The following ISM2 variants were observed in gnomAD, a reference collection of about 807,000 sequenced individuals.
The protein encoded by ISM2 is isthmin-2.
Under a neutral mutation model 58.0 loss-of-function variants are expected in ISM2, and 50 were observed. The observed-to-expected ratio is 0.86, with a 90% CI of 0.69 to 1.09. ISM2 has a LOEUF of 1.09. ISM2 is among the 50% of genes least tolerant of loss of function. The pLI, the probability that ISM2 is intolerant of heterozygous loss-of-function variation, is 0.00. For synonymous variants in ISM2, 303 were observed against 312.4 expected (o/e 0.97, Z 0.32); for missense variants, 723 against 745.0 (o/e 0.97, Z 0.34).
At position 77,484,494 on chromosome 14, in the gene ISM2, C is replaced by T. The variant is rs772814089; in HGVS notation, c.456G>A (p.Leu152=). The change falls in exon 3 of 7, where the codon CTG becomes CTA. Residue 152 remains leucine, a synonymous_variant. Coordinates refer to ENST00000342219, the MANE Select transcript of ISM2 (RefSeq NM_199296.3). ...ATCCATGTTGGTGTAGCTCTGCCTG[C>T]AGGTGGGTTCTGGGGAGCAGTCGTG... ...EEARLLPRTH[L]QAELHQHGCW... 6.2e-7 allele frequency: 1 copy of T among 1,606,918 alleles called. No homozygotes were observed. Among genetic ancestry groups the T allele is most frequent in the South Asian group, 1.1e-5 (1 of 89,930 alleles).
rs1362191226 is a variant in ISM2, at chr14:77,498,691, G to A, written c.103C>T (p.Arg35Cys). 4.0e-6 allele frequency: 6 copies of A among 1,482,174 alleles called. No individual in the cohort carries two copies. The highest frequency in any genetic ancestry group is 1.5e-5 in the African/African-American group (1 of 68,224). The allele number at this position is 1,482,174 out of a possible 1,614,324, so 91.8% of individuals were successfully genotyped here. A position where few individuals can be genotyped will look rare whatever the true frequency, so the allele number is the denominator to read the frequency against. The change falls in exon 1 of 7, where the codon CGC becomes TGC. Residue 35 changes from arginine to cysteine, a missense_variant. Coordinates refer to ENST00000342219, the MANE Select transcript of ISM2 (RefSeq NM_199296.3). ...GTGAGGCTCCCAGGCCGTGGTCCGC[G>A]GAGCCGCGGCTTCTTCACGGGGAGC... ...LGLPVKKPRL[R>C]GPRPGSLTRL...
At position 77,475,254 on chromosome 14, in the gene ISM2, G is replaced by C. The variant is rs2079089057; in HGVS notation, c.*341C>G. On this transcript the variant is annotated 3_prime_UTR_variant, in exon 7 of 7. Coordinates refer to ENST00000342219, the MANE Select transcript of ISM2 (RefSeq NM_199296.3). The surrounding 1 kb of genome is among the most constrained non-coding windows in gnomAD (Gnocchi z 4.1). ...CTGCTGGCTAACACTTATGTGCAGA[G>C]CCAGGGCAGAAGAGCCCAGCTCCCA... The C allele has an allele frequency of 5.2e-6, 1 of 192,882 alleles. No homozygotes were observed. 11.9% of individuals were successfully genotyped at this position (192,882 alleles called of 1,614,324 possible). A position where few individuals can be genotyped will look rare whatever the true frequency, so the allele number is the denominator to read the frequency against.
intron 1 of ISM2, among the ~76,000 whole-genome samples, chr14:77,493,834 C>T (rs1024839592): frequency 1.1e-4 from 16 of 151,930 alleles, no homozygotes; most frequent in Non-Finnish European, 1.5e-4. Flanking sequence ...TGCAGTGGCG[C>T]GATCTTGGCT....
intron 3 of ISM2, 143 bp downstream of exon 3, chr14:77,484,179 AG>A: frequency 9.5e-7 from 1 of 1,048,108 alleles, no homozygotes; most frequent in Non-Finnish European, 1.4e-6. Context: ...CACCACAGGG[AG>A]AGCATGGGGA....
chr14:77,482,293 C>T (rs371917213), intron 4 of ISM2, 29 bp downstream of exon 4: 6 of 1,559,644 alleles, frequency 3.8e-6, no homozygotes, highest in Non-Finnish European at 3.5e-6. Flanking sequence ...AGGGGAGCAG[C>T]CTGGGGATGC....
intron 1 of ISM2, among the ~76,000 whole-genome samples, chr14:77,495,216 C>T (rs577964783): frequency 4.5e-4 from 68 of 152,128 alleles, no homozygotes; most frequent in Non-Finnish European, 1.9e-4. Context: ...GGAAATCATC[C>T]GAGGTGAGTC....
intron 1 of ISM2, among the ~76,000 whole-genome samples, chr14:77,488,333 G>T (rs1170882330): frequency 6.6e-6 from 1 of 152,162 alleles, no homozygotes; most frequent in African/African-American, 2.4e-5. Context: ...GGTCTTAAAG[G>T]TTACAATAAG....
intron 1 of ISM2, among the ~76,000 whole-genome samples, chr14:77,495,934 C>T (rs529783753): frequency 1.5e-4 from 23 of 152,130 alleles, no homozygotes; most frequent in African/African-American, 5.1e-4. Flanking sequence ...ATGGGGAGGT[C>T]GGGCGTGGTG....
At chr14:77,487,999 G>T (rs2079178589) in intron 1 of ISM2, among the ~76,000 whole-genome samples, 1 of 152,194 alleles carries the variant, frequency 6.6e-6, no homozygotes, top group African/African-American at 2.4e-5. Flanking sequence ...TCCCAGAAGG[G>T]CTGAGGGGAT....
intron 1 of ISM2, among the ~76,000 whole-genome samples, chr14:77,495,673 A>C (rs987494916): frequency 5.3e-5 from 8 of 152,170 alleles, no homozygotes; most frequent in African/African-American, 1.9e-4. Context: ...ACAGGCGCCT[A>C]GTGGGTAGAG....
Position 77,482,414 on chromosome 14 carries a change from T to A in ISM2, c.881A>T (p.Glu294Val). The change falls in exon 4 of 7, where the codon GAG (glutamate) becomes GTG (valine). Residue 294 changes from glutamate to valine, a missense_variant. By Grantham distance (121) the Glu-to-Val change is moderately radical. Coordinates refer to ENST00000342219, the MANE Select transcript of ISM2 (RefSeq NM_199296.3). Reference protein sequence around the residue: ...DQEDKEEDEEEQALWFNGTTD... With the variant: ...DQEDKEEDEEVQALWFNGTTD... The stretch of plus-strand genomic sequence containing the variant: ...AGTTCCATTGAACCAGAGCGCCTGC[T>A]CTTCCTCATCTTCCTCTTTGTCCTC... 1 of 1,614,192 alleles carries A rather than the reference T, an allele frequency of 6.2e-7. No homozygotes were observed. Among genetic ancestry groups the A allele is most frequent in the South Asian group, 1.1e-5 (1 of 91,086 alleles).
intron 3 of ISM2, 127 bp downstream of exon 3, chr14:77,484,196 C>T: frequency 1.6e-6 from 2 of 1,241,190 alleles, no homozygotes; most frequent in Non-Finnish European, 2.2e-6. Context: ...GGGGAGCCTG[C>T]CCTCTGACCC....
intron 1 of ISM2, 160 bp downstream of exon 1, chr14:77,498,493 G>A: frequency 8.2e-7 from 1 of 1,221,974 alleles, no homozygotes; most frequent in Non-Finnish European, 1.1e-6. Context: ...CCTGGGCAAC[G>A]CCCGGTGTCC....
In ISM2 at chr14:77,475,377, A is replaced by G. The variant is rs1426324185; in HGVS notation, c.*218T>C. On this transcript the variant is annotated 3_prime_UTR_variant, in exon 7 of 7. Transcript: ENST00000342219. This position sits in a 1 kb window ranked among gnomAD's most constrained non-coding sequence, Gnocchi z 4.1. ...GCACATTTCCAGGGCTCCCAGGGAC[A>G]CCCACCCTGGGCCCTACATACCCTT... 1 of 449,516 alleles carries G rather than the reference A, an allele frequency of 2.2e-6. No individual in the cohort carries two copies. The highest frequency in any genetic ancestry group is 3.9e-6 in the Non-Finnish European group (1 of 256,924). The allele number at this position is 449,516 out of a possible 1,614,324, so 27.8% of individuals were successfully genotyped here.
At chr14:77,480,606 G>C (rs2079126267) in intron 4 of ISM2, among the ~76,000 whole-genome samples, 1 of 145,206 alleles carries the variant, frequency 6.9e-6, no homozygotes, top group Admixed American at 7.0e-5. Flanking sequence ...CACCCAGGCT[G>C]GAGTGCAGTG....
At chr14:77,486,487 G>C (rs1231040446) in intron 1 of ISM2, among the ~76,000 whole-genome samples, 1 of 152,170 alleles carries the variant, frequency 6.6e-6, no homozygotes, top group Non-Finnish European at 1.5e-5. Context: ...AAGGTGGAAG[G>C]GTGAGTAATG....
Position 77,474,904 on chromosome 14 carries a change from G to A in ISM2, c.*691C>T, listed in dbSNP as rs1390944592. ...ACAGAGGGGGCTGAGCAAAGGAAAG[G>A]GACCAGAATTGGGCAACCCATTCCC... On this transcript the variant is annotated 3_prime_UTR_variant, in exon 7 of 7. Coordinates refer to ENST00000342219, the MANE Select transcript of ISM2 (RefSeq NM_199296.3). 6.6e-6 allele frequency: 1 copy of A among 152,282 alleles called. No homozygotes were observed. The highest frequency in any genetic ancestry group is 1.5e-5 in the Non-Finnish European group (1 of 68,078). 9.4% of individuals were successfully genotyped at this position (152,282 alleles called of 1,614,324 possible). A position where few individuals can be genotyped will look rare whatever the true frequency, so the allele number is the denominator to read the frequency against.
At chr14:77,497,776 AAG>A (rs2079256090) in intron 1 of ISM2, among the ~76,000 whole-genome samples, 1 of 82,860 alleles carries the variant, frequency 1.2e-5, no homozygotes, top group South Asian at 4.1e-4. Flanking sequence ...GGAGGGAAGG[AAG>A]GAAGGAAGGA....
chr14:77,485,573 G>T (rs2079162722), intron 1 of ISM2, among the ~76,000 whole-genome samples: 1 of 152,264 alleles, frequency 6.6e-6, no homozygotes, highest in South Asian at 2.1e-4. Context: ...AGATCAGATG[G>T]TAAGTGAAAA....
Sources: gnomAD v4.1 joint callset for allele counts (sites outside exome capture counted in the v4.1 genomes callset) on GRCh38, gnomAD v4.1.1 for gene constraint, Gnocchi (gnomAD v3.1) non-coding constraint, MANE v1.5 for transcripts, NCBI Gene and HGNC (gene_info 2026-07-23, HGNC 2026-07-21) for gene names.